PDGFC: variants seen among roughly 807,000 people sequenced by gnomAD.
The protein encoded by PDGFC is platelet derived growth factor C.
In PDGFC, 12 loss-of-function variants were observed where a neutral mutation model predicts 35.5. That is an observed-to-expected ratio of 0.34 (90% CI 0.22 to 0.55). PDGFC has a LOEUF of 0.55. Among genes scored for constraint, PDGFC ranks in the 20% least tolerant of loss-of-function variants. PDGFC has a pLI of 0.91. For synonymous variants in PDGFC, 159 were observed against 148.8 expected, an observed-to-expected ratio of 1.07 and a Z score of -0.50; for missense variants, 322 against 412.4, an observed-to-expected ratio of 0.78 and a Z score of 1.90.
intron 5 of PDGFC, among the ~76,000 whole-genome samples, chr4:156,767,495 T>G (rs1021508441): frequency 1.3e-5 from 2 of 151,898 alleles, no homozygotes; most frequent in African/African-American, 4.8e-5. Context: ...CATTTTTTTT[T>G]CCCTCAGAAA....
intron 1 of PDGFC, among the ~76,000 whole-genome samples, chr4:156,897,398 C>T (rs1179405559): frequency 1.4e-5 from 2 of 140,640 alleles, no homozygotes; most frequent in African/African-American, 5.2e-5. Flanking sequence ...AGCATTATTT[C>T]GAACTCAACA....
chr4:156,793,834 A>C (rs1731365258), intron 3 of PDGFC, among the ~76,000 whole-genome samples: 1 of 151,704 alleles, frequency 6.6e-6, no homozygotes, highest in South Asian at 2.1e-4. Flanking sequence ...GATTAAAAAA[A>C]AAAACTGCCC....
At chr4:156,771,540 C>A (rs1730693494) in intron 4 of PDGFC, among the ~76,000 whole-genome samples, 1 of 152,146 alleles carries the variant, frequency 6.6e-6, no homozygotes, top group Admixed American at 6.5e-5. Flanking sequence ...ACTGCCCAGG[C>A]ACTTGAACAC....
intron 1 of PDGFC, among the ~76,000 whole-genome samples, chr4:156,926,133 G>C (rs1731407766): frequency 6.9e-6 from 1 of 144,500 alleles, no homozygotes; most frequent in Non-Finnish European, 1.5e-5. Flanking sequence ...ATCTTTTCTT[G>C]TCTGACAGTA....
chr4:156,779,303 T>G, intron 3 of PDGFC: 2 of 425,878 alleles, frequency 4.7e-6, no homozygotes, highest in Non-Finnish European at 9.4e-6. Flanking sequence ...AGCAAATGCT[T>G]GCATTCCTAC....
intron 1 of PDGFC, among the ~76,000 whole-genome samples, chr4:156,964,682 G>A (rs924770685): frequency 6.6e-6 from 1 of 151,974 alleles, no homozygotes; most frequent in African/African-American, 2.4e-5. Context: ...TTTCCTAATT[G>A]GTTCTCACAT....
chr4:156,784,916 A>G (rs1182083479), intron 3 of PDGFC, among the ~76,000 whole-genome samples: 1 of 152,260 alleles, frequency 6.6e-6, no homozygotes, highest in Non-Finnish European at 1.5e-5. Context: ...GTATAATCCA[A>G]GGATAGTCAT....
intron 2 of PDGFC, among the ~76,000 whole-genome samples, chr4:156,843,103 T>C (rs1448771573): frequency 6.6e-6 from 1 of 152,186 alleles, no homozygotes; most frequent in Admixed American, 6.5e-5. Flanking sequence ...TGTGAAATCC[T>C]AACCCCTAAG....
At chr4:156,880,641 C>A (rs892017035) in intron 1 of PDGFC, among the ~76,000 whole-genome samples, 7 of 152,130 alleles carry the variant, frequency 4.6e-5, no homozygotes, top group African/African-American at 1.7e-4. Context: ...TAGGGTATAG[C>A]TGTCCAGAGA....
In PDGFC at chr4:156,806,051, AC is replaced by A. The variant is rs371929473; in HGVS notation, c.495+4785del. ...TGTGGCTATAATACTTACATACTAT[AC>A]TATATTATTAATCTTTGTATATAAT... On this transcript the variant is annotated intron_variant, in intron 3 of 5. Coordinates refer to ENST00000502773, the MANE Select transcript of PDGFC (RefSeq NM_016205.3). Among the ~76,000 whole-genome samples the A allele has an allele frequency of 9.9e-5, 15 of 152,232 alleles. No individual in the cohort carries two copies. The East Asian group carries it at 2.5e-3, about 25-fold the overall frequency.
At chr4:156,834,192 T>C (rs977918364) in intron 2 of PDGFC, among the ~76,000 whole-genome samples, 2 of 152,226 alleles carry the variant, frequency 1.3e-5, no homozygotes, top group African/African-American at 2.4e-5. Context: ...TCTTGAGACA[T>C]GTAAACAAAT....
rs1474315174 is a variant in PDGFC at position 156,760,615 on chromosome 4, T to C, written c.*2475A>G. The C allele has an allele frequency of 7.7e-6, 1 of 130,218 alleles. No individual in the cohort carries two copies. Among genetic ancestry groups the C allele is most frequent in the Non-Finnish European group, 1.5e-5 (1 of 65,028 alleles). The allele number at this position is 130,218 out of a possible 1,614,324, so 8.1% of individuals were successfully genotyped here. On this transcript the variant is annotated 3_prime_UTR_variant, in exon 6 of 6. Transcript: ENST00000502773. Reference sequence around the variant, plus strand: ...AGAAATTAGGGTCATGTGCTATTTATGTGTGTGTGTGTGTGTGTGTGTGTT... The same window carrying C: ...AGAAATTAGGGTCATGTGCTATTTACGTGTGTGTGTGTGTGTGTGTGTGTT...
At chr4:156,789,169 A>G (rs1273554891) in intron 3 of PDGFC, among the ~76,000 whole-genome samples, 1 of 152,206 alleles carries the variant, frequency 6.6e-6, no homozygotes, top group Non-Finnish European at 1.5e-5. Flanking sequence ...GAATGAATGA[A>G]GTTGGTAAGA....
At chr4:156,941,254 A>G (rs1731798821) in intron 1 of PDGFC, among the ~76,000 whole-genome samples, 1 of 152,188 alleles carries the variant, frequency 6.6e-6, no homozygotes, top group Admixed American at 6.6e-5. Flanking sequence ...GGGGTTCTTC[A>G]ATAACGTATA....
chr4:156,817,690 GA>G (rs1318105945), intron 2 of PDGFC, among the ~76,000 whole-genome samples: 1 of 150,850 alleles, frequency 6.6e-6, no homozygotes, highest in East Asian at 2.0e-4. Flanking sequence ...AACTCTAAAA[GA>G]ACATATCATT....
At chr4:156,904,235 C>A (rs1424678095) in intron 1 of PDGFC, among the ~76,000 whole-genome samples, 1 of 151,908 alleles carries the variant, frequency 6.6e-6, no homozygotes, top group Non-Finnish European at 1.5e-5. Flanking sequence ...CCCTGGTGCC[C>A]TAATTTAACG....
rs531122723 is a variant in PDGFC at position 156,971,435 on chromosome 4, G to C, written c.-532C>G. The C allele has an allele frequency of 2.7e-6, 1 of 370,012 alleles. No homozygotes were observed. Among genetic ancestry groups the C allele is most frequent in the Middle Eastern group, 6.9e-4 (1 of 1,442 alleles). The allele number at this position is 370,012 out of a possible 1,614,324, so 22.9% of individuals were successfully genotyped here. On this transcript the variant is annotated 5_prime_UTR_variant, in exon 1 of 6. Coordinates refer to ENST00000502773, the MANE Select transcript of PDGFC (RefSeq NM_016205.3). ...CCCACCCCCCACCCCCGAAGGGGGA[G>C]GGGGAAGAAACAAGGCGAGGGCGCC...
intron 3 of PDGFC, chr4:156,778,978 G>T: frequency 3.2e-6 from 1 of 313,152 alleles, no homozygotes; most frequent in Non-Finnish European, 6.4e-6. Context: ...AAATGATCAG[G>T]TGTTTAAGAG....
At chr4:156,949,980 T>C (rs573168240) in intron 1 of PDGFC, among the ~76,000 whole-genome samples, 1 of 152,032 alleles carries the variant, frequency 6.6e-6, no homozygotes, top group East Asian at 1.9e-4. Context: ...AGCAACAGCA[T>C]GTCCAACAAC....
Sources: allele counts gnomAD v4.1 joint callset (sites outside exome capture counted in the v4.1 genomes callset), GRCh38; gene constraint gnomAD v4.1.1; transcripts MANE v1.5; gene names NCBI Gene and HGNC (gene_info 2026-07-23, HGNC 2026-07-21).